Variants in PAICS observed in about 807,000 individuals in gnomAD.
The protein encoded by PAICS is bifunctional phosphoribosylaminoimidazole carboxylase/phosphoribosylaminoimidazole succinocarboxamide synthetase.
PAICS carries 33 observed loss-of-function variants against 53.7 expected under a neutral mutation model. The ratio of observed to expected loss-of-function variants is 0.61; its 90% CI spans 0.47 to 0.82. PAICS has a LOEUF of 0.82. Ranked by LOEUF, PAICS falls within the 40% of genes least tolerant of loss-of-function variation. The pLI is 0.00. For synonymous variants in PAICS, 141 were observed against 167.2 expected (o/e 0.84, Z 1.21); for missense variants, 394 against 494.1 (o/e 0.80, Z 1.92).
intron 8 of PAICS, among the ~76,000 whole-genome samples, chr4:56,455,733 A>G (rs914405847): frequency 9.2e-5 from 14 of 152,126 alleles, no homozygotes; most frequent in African/African-American, 3.4e-4. Flanking sequence ...TAGCATCCAC[A>G]GTTGAGGACT....
At chr4:56,442,313 C>G (rs1718381470) in intron 2 of PAICS, among the ~76,000 whole-genome samples, 1 of 152,146 alleles carries the variant, frequency 6.6e-6, no homozygotes, top group African/African-American at 2.4e-5. Context: ...TAGTTGAAGA[C>G]AGCAACCAAA....
the PAICS span, among the ~76,000 whole-genome samples, chr4:56,414,752 T>C: frequency 6.6e-6 from 1 of 152,220 alleles, no homozygotes; most frequent in African/African-American, 2.4e-5. Context: ...ACCCTGCCTT[T>C]ATTTACTGCT....
At chr4:56,426,076 C>T in the PAICS span, among the ~76,000 whole-genome samples, 1 of 152,230 alleles carries the variant, frequency 6.6e-6, no homozygotes, top group South Asian at 2.1e-4. Flanking sequence ...TCACCAGTAT[C>T]CCATTTTAGA....
chr4:56,435,670 C>G (rs540958517), upstream of PAICS: 76 of 1,443,308 alleles, frequency 5.3e-5, no homozygotes, highest in Admixed American at 2.7e-4. Flanking sequence ...TGCTCCTCCC[C>G]CTCCGAGTCC....
upstream of PAICS, among the ~76,000 whole-genome samples, chr4:56,433,959 G>C (rs1456076484): frequency 2.0e-5 from 3 of 152,088 alleles, no homozygotes; most frequent in Admixed American, 1.3e-4. Flanking sequence ...CAAAGTGCTG[G>C]GATTACAGGC....
At chr4:56,412,310 T>A in the PAICS span, among the ~76,000 whole-genome samples, 6 of 136,016 alleles carry the variant, frequency 4.4e-5, no homozygotes, top group South Asian at 1.4e-3. Flanking sequence ...TCCCATCACC[T>A]TTTTTTTTTT....
At chr4:56,455,295 GT>G (rs1719134666) in intron 8 of PAICS, among the ~76,000 whole-genome samples, 1 of 152,122 alleles carries the variant, frequency 6.6e-6, no homozygotes, top group Non-Finnish European at 1.5e-5. Flanking sequence ...GGTCAATATT[GT>G]TTCAGTAGGA....
upstream of PAICS, among the ~76,000 whole-genome samples, chr4:56,432,787 C>CA (rs5858378): frequency 0.037 from 3,035 of 82,326 alleles, 123 homozygotes; most frequent in African/African-American, 0.11. Flanking sequence ...GACTCTGTCT[C>CA]AAAAAAAAAA....
At chr4:56,435,399 G>C, upstream of PAICS, 1 of 1,613,778 alleles carries the variant, frequency 6.2e-7, no homozygotes, top group Non-Finnish European at 8.5e-7. Context: ...GGTACATCCA[G>C]CTGCGTGGGC....
At chr4:56,429,497 T>C in the PAICS span, among the ~76,000 whole-genome samples, 1 of 152,080 alleles carries the variant, frequency 6.6e-6, no homozygotes, top group African/African-American at 2.4e-5. Context: ...AAAGATAATA[T>C]AATGCAATAT....
chr4:56,428,990 A>G, the PAICS span: 8 of 976,340 alleles, frequency 8.2e-6, no homozygotes, highest in Non-Finnish European at 9.7e-6. Flanking sequence ...CTTCAAGAGA[A>G]AAGCACATGA....
At chr4:56,432,804 T>A (rs6842547), upstream of PAICS, among the ~76,000 whole-genome samples, 1,643 of 65,720 alleles carry the variant, frequency 0.025, 47 homozygotes, top group Non-Finnish European at 0.042. Flanking sequence ...AAAAAAAAAA[T>A]CAAGAAGATA....
chr4:56,415,900 T>A, the PAICS span, among the ~76,000 whole-genome samples: 1 of 152,094 alleles, frequency 6.6e-6, no homozygotes, highest in African/African-American at 2.4e-5. Context: ...TGAAACCTCG[T>A]GTCTACTAAA....
At chr4:56,449,634 T>C (rs930323499) in intron 5 of PAICS, among the ~76,000 whole-genome samples, 5 of 151,694 alleles carry the variant, frequency 3.3e-5, no homozygotes, top group African/African-American at 7.3e-5. Context: ...TTAGACTGGA[T>C]AAAGAAAATG....
chr4:56,418,403 T>A, the PAICS span, among the ~76,000 whole-genome samples: 2 of 152,138 alleles, frequency 1.3e-5, no homozygotes, highest in Non-Finnish European at 1.5e-5. Context: ...CATTGCAACC[T>A]CCACCTCCCC....
At position 56,441,671 on chromosome 4, in the gene PAICS, A is replaced by G. The variant is rs768421711; in HGVS notation, c.25A>G (p.Ile9Val). Residue 9 changes from isoleucine (I) to valine (V), a missense_variant, in exon 2 of 9, where the codon ATT (isoleucine) becomes GTT (valine). By Grantham distance (29) the Ile-to-Val change is conservative. Transcript: ENST00000512576. ...CCATTTTATTTCCACAGTACTGAAC[A>G]TTGGTAAAAAATTATATGAGGGTAA... MATAEVLN[I>V]GKKLYEGKTK... 6 of 1,567,110 alleles carry G rather than the reference A, an allele frequency of 3.8e-6. No homozygotes were observed. Among genetic ancestry groups the G allele is most frequent in the South Asian group, 1.2e-5 (1 of 82,800 alleles).
chr4:56,436,077 G>C, upstream of PAICS: 1 of 1,487,558 alleles, frequency 6.7e-7, no homozygotes, highest in Non-Finnish European at 8.9e-7. Context: ...GCGGGGTCGC[G>C]TCTCTGCGCC....
chr4:56,427,104 T>C, the PAICS span, among the ~76,000 whole-genome samples: 2 of 152,256 alleles, frequency 1.3e-5, no homozygotes, highest in African/African-American at 2.4e-5. Flanking sequence ...ATTGTATGGA[T>C]ACACCATTTT....
intron 1 of PAICS, among the ~76,000 whole-genome samples, chr4:56,438,404 A>ATAT (rs1578145839): frequency 2.4e-5 from 1 of 41,452 alleles, no homozygotes; most frequent in African/African-American, 6.2e-5. Context: ...TATATATATA[A>ATAT]AAGGTTTTTT....
Sources: allele counts gnomAD v4.1 joint callset (sites outside exome capture counted in the v4.1 genomes callset), GRCh38; gene constraint gnomAD v4.1.1; transcripts MANE v1.5; gene names NCBI Gene and HGNC (gene_info 2026-07-23, HGNC 2026-07-21).